The following KLB variants were observed in gnomAD, a reference collection of about 807,000 sequenced individuals.
KLB encodes klotho beta, also known as beta-klotho.
A neutral mutation model predicts 88.4 loss-of-function variants in KLB; 44 were observed. The ratio of observed to expected loss-of-function variants is 0.50; its 90% CI spans 0.39 to 0.64. The LOEUF (loss-of-function observed/expected upper bound fraction) is 0.64, where lower values mean the gene tolerates loss of function less well. KLB is among the 30% of genes least tolerant of loss of function. The probability of loss-of-function intolerance (pLI) is 0.00; values close to 1 mark genes in which losing one functional copy is unlikely to be tolerated. For synonymous variants in KLB, 548 were observed against 513.4 expected, an observed-to-expected ratio of 1.07 and a Z score of -0.91; for missense variants, 1,137 against 1,304.8, an observed-to-expected ratio of 0.87 and a Z score of 1.98.
chr4:39,430,340 G>A (rs757266490), intron 1 of KLB, among the ~76,000 whole-genome samples: 2 of 138,850 alleles, frequency 1.4e-5, no homozygotes, highest in Non-Finnish European at 3.1e-5. Context: ...TTAAGTGACT[G>A]GTTAGAAAAA....
chr4:39,444,460 T>C (rs1366196035), intron 3 of KLB, among the ~76,000 whole-genome samples: 2 of 152,200 alleles, frequency 1.3e-5, no homozygotes, highest in East Asian at 3.8e-4. Flanking sequence ...ATTCTTCTCC[T>C]GGAAAAAGCC....
chr4:39,449,507 G>C lies in KLB; in HGVS notation c.*821G>C, dbSNP rs1007240444. 6.6e-6 allele frequency: 1 copy of C among 150,854 alleles called. No individual in the cohort carries two copies. The highest frequency in any genetic ancestry group is 1.5e-5 in the Non-Finnish European group (1 of 67,824). 9.3% of individuals were successfully genotyped at this position (150,854 alleles called of 1,614,324 possible). On this transcript the variant is annotated 3_prime_UTR_variant, in exon 5 of 5. Transcript: ENST00000257408. ...AAGAAAACACAATAGGGTAAGTAGT[G>C]CTTGTCTAAGCCAGTTACAACACAG...
intron 1 of KLB, among the ~76,000 whole-genome samples, chr4:39,422,150 G>A (rs774757674): frequency 1.3e-4 from 20 of 152,182 alleles, no homozygotes; most frequent in South Asian, 4.2e-4. Context: ...AATCACCTTC[G>A]GGTCTACGGT....
At chr4:39,422,447 A>T (rs2109826636) in intron 1 of KLB, among the ~76,000 whole-genome samples, 1 of 152,216 alleles carries the variant, frequency 6.6e-6, no homozygotes, top group Admixed American at 6.6e-5. Context: ...CAAGTTACCT[A>T]ACCTCTCCAC....
chr4:39,419,544 T>C (rs1037732273), intron 1 of KLB, among the ~76,000 whole-genome samples: 6 of 151,780 alleles, frequency 4.0e-5, no homozygotes, highest in African/African-American at 2.4e-5. Flanking sequence ...GAGGCTGAGG[T>C]GGGTGGATCA....
rs1434172585 is a variant in KLB at position 39,407,026 on chromosome 4, A to G, written c.77A>G (p.Tyr26Cys). ...FFSTDEITTR[Y>C]RNTMSNGGLQ... The stretch of plus-strand genomic sequence containing the variant: ...AGCACTGATGAAATAACCACACGCT[A>G]TAGGAATACAATGTCCAACGGGGGA... The change falls in exon 1 of 5, where the codon TAT becomes TGT. Residue 26 changes from tyrosine to cysteine, a missense_variant. Tyr to Cys is a radical substitution (Grantham distance 194). This residue lies in a region of KLB where 111 missense variants were observed against 118.3 expected (regional missense o/e 0.94). Transcript: ENST00000257408. The G allele has an allele frequency of 3.1e-6, 5 of 1,614,146 alleles. No homozygotes were observed. The African/African-American group carries it at 4.0e-5, about 13-fold the overall frequency.
At chr4:39,422,480 G>T (rs1049910185) in intron 1 of KLB, among the ~76,000 whole-genome samples, 7 of 152,118 alleles carry the variant, frequency 4.6e-5, no homozygotes, top group Non-Finnish European at 1.0e-4. Flanking sequence ...TCTCCTCTAA[G>T]TGGGAATGAT....
Position 39,406,962 on chromosome 4 carries a change from T to C in KLB, c.13T>C (p.Cys5Arg), listed in dbSNP as rs151074939. Reference sequence around the variant, plus strand: ...CAGTTGGTGGCAAATGAAGCCAGGCTGTGCGGCAGGATCTCCAGGGAATGA... The same window carrying C: ...CAGTTGGTGGCAAATGAAGCCAGGCCGTGCGGCAGGATCTCCAGGGAATGA... MKPG[C>R]AAGSPGNEWI... Residue 5 changes from cysteine to arginine, a missense_variant, in exon 1 of 5, where the codon TGT becomes CGT. Around this residue, in one of 4 missense-constraint regions of KLB, gnomAD observed 111 missense variants for 118.3 expected, o/e 0.94. Coordinates refer to ENST00000257408, the MANE Select transcript of KLB (RefSeq NM_175737.4). 5.0e-6 allele frequency: 8 copies of C among 1,608,530 alleles called. No homozygotes were observed. The highest frequency in any genetic ancestry group is 1.1e-5 in the South Asian group (1 of 90,702).
intron 1 of KLB, among the ~76,000 whole-genome samples, chr4:39,416,419 T>A (rs573084876): frequency 2.6e-5 from 4 of 152,236 alleles, no homozygotes; most frequent in African/African-American, 7.2e-5. Context: ...AAACTTTTTT[T>A]AAATCTTCAT....
At chr4:39,443,815 T>C (rs1743673547) in intron 3 of KLB, among the ~76,000 whole-genome samples, 1 of 151,064 alleles carries the variant, frequency 6.6e-6, no homozygotes. Flanking sequence ...CTTGGGACTC[T>C]ATGAATATCC....
At chr4:39,418,445 G>A (rs1370027385) in intron 1 of KLB, among the ~76,000 whole-genome samples, 1 of 151,820 alleles carries the variant, frequency 6.6e-6, no homozygotes, top group African/African-American at 2.4e-5. Flanking sequence ...CGCCATGTTG[G>A]CCAGGCTGGT....
rs749842132 is a variant in KLB, at chr4:39,448,725, C to G, written c.*39C>G. ...CATGATAGACAGTTTAAAAATTCATCCCAGTTCCATATGCTGGTAACTTAC... is the reference window on the plus strand; with the variant it reads ...CATGATAGACAGTTTAAAAATTCATGCCAGTTCCATATGCTGGTAACTTAC... On this transcript the variant is annotated 3_prime_UTR_variant, in exon 5 of 5. Transcript: ENST00000257408. The G allele has an allele frequency of 1.9e-6, 3 of 1,562,504 alleles. No homozygotes were observed. Among genetic ancestry groups the G allele is most frequent in the Non-Finnish European group, 2.6e-6 (3 of 1,158,008 alleles).
At chr4:39,417,882 T>G (rs1742997257) in intron 1 of KLB, among the ~76,000 whole-genome samples, 1 of 152,120 alleles carries the variant, frequency 6.6e-6, no homozygotes, top group African/African-American at 2.4e-5. Flanking sequence ...CAAGATTACA[T>G]AGAGGATAAG....
At position 39,447,093 on chromosome 4, in the gene KLB, C is replaced by T; in HGVS notation, c.2367C>T (p.Tyr789=). 2 of 1,613,230 alleles carry T rather than the reference C, an allele frequency of 1.2e-6. No homozygotes were observed. The highest frequency in any genetic ancestry group is 2.2e-5 in the East Asian group (1 of 44,884). Residue 789 remains tyrosine, a synonymous_variant, in exon 4 of 5, where the codon TAC becomes TAT. Transcript: ENST00000257408. ...ACTACCCCGCGGCCATGAGGGAATA[C>T]ATTGCCTCCAAGCACCGACGGGGGC... ...TGDYPAAMRE[Y]IASKHRRGLS...
Position 39,437,746 on chromosome 4 carries a change from A to T in KLB, c.1356A>T (p.Ile452=). The T allele has an allele frequency of 6.2e-7, 1 of 1,612,148 alleles. No individual in the cohort carries two copies. The highest frequency in any genetic ancestry group is 8.5e-7 in the Non-Finnish European group (1 of 1,178,438). ...GTGCAGCAATAAGGTTAGATGAAATACGAGTGTTTGGTTATACTGCCTGGT... is the reference window on the plus strand; with the variant it reads ...GTGCAGCAATAAGGTTAGATGAAATTCGAGTGTTTGGTTATACTGCCTGGT... ...QVLQAIRLDE[I]RVFGYTAWSL... is the part of the protein sequence containing the mutation. Residue 452 remains isoleucine, a synonymous_variant, in exon 3 of 5, where the codon ATA becomes ATT. Coordinates refer to ENST00000257408, the MANE Select transcript of KLB (RefSeq NM_175737.4).
chr4:39,447,293 T>G lies in KLB; in HGVS notation c.2567T>G (p.Leu856Arg). The G allele has an allele frequency of 6.2e-7, 1 of 1,614,054 alleles. No individual in the cohort carries two copies. The highest frequency in any genetic ancestry group is 8.5e-7 in the Non-Finnish European group (1 of 1,179,956). Residue 856 changes from leucine to arginine, a missense_variant, in exon 4 of 5, where the codon CTG becomes CGG. Physicochemically the swap from Leu to Arg is moderately radical, Grantham distance 102. This residue lies in a region of KLB where 426 missense variants were observed against 404.6 expected (regional missense o/e 1.05). Coordinates refer to ENST00000257408, the MANE Select transcript of KLB (RefSeq NM_175737.4). Reference sequence around the variant, plus strand: ...CAGTTTCTGCAGGACATCACCCGCCTGAGCTCCCCCACGCGCCTGGCTGTG... The same window carrying G: ...CAGTTTCTGCAGGACATCACCCGCCGGAGCTCCCCCACGCGCCTGGCTGTG... ...DIQFLQDITR[L>R]SSPTRLAVIP...
chr4:39,413,116 T>C (rs1340218203), intron 1 of KLB, among the ~76,000 whole-genome samples: 2 of 152,214 alleles, frequency 1.3e-5, no homozygotes, highest in Non-Finnish European at 2.9e-5. Flanking sequence ...CGTCCATTTC[T>C]TCCTCGGGTT....
At chr4:39,441,189 G>A (rs1388756615) in intron 3 of KLB, among the ~76,000 whole-genome samples, 3 of 152,108 alleles carry the variant, frequency 2.0e-5, no homozygotes, top group Non-Finnish European at 1.5e-5. Flanking sequence ...TTTAGCAAGA[G>A]CTCACGGTGA....
chr4:39,437,442 A>C (rs879394796), intron 2 of KLB, among the ~76,000 whole-genome samples: 8 of 152,212 alleles, frequency 5.3e-5, no homozygotes, highest in Non-Finnish European at 1.2e-4. Context: ...GCCCTCTGAC[A>C]CAGATTTGCA....
Sources: gnomAD v4.1 joint callset for allele counts (sites outside exome capture counted in the v4.1 genomes callset) on GRCh38, gnomAD v4.1.1 for gene constraint, gnomAD v4.1.1 regional missense constraint, MANE v1.5 for transcripts, NCBI Gene and HGNC (gene_info 2026-07-23, HGNC 2026-07-21) for gene names.